The following TCAF1 variants were observed in gnomAD, a reference collection of about 807,000 sequenced individuals.
TCAF1 encodes TRPM8 channel associated factor 1.
TCAF1 carries 4 observed loss-of-function variants against 27.3 expected under a neutral mutation model. The observed-to-expected ratio is 0.15, with a 90% CI of 0.07 to 0.34. The LOEUF (loss-of-function observed/expected upper bound fraction) is 0.34. Ranked by LOEUF, TCAF1 falls within the 10% of genes least tolerant of loss-of-function variation. The probability of loss-of-function intolerance (pLI) is 1.00; values close to 1 mark genes in which losing one functional copy is unlikely to be tolerated. For missense variants in TCAF1, 257 were observed against 425.8 expected (o/e 0.60, Z 3.49); for synonymous variants, 105 against 167.1 (o/e 0.63, Z 2.87).
intron 1 of TCAF1, among the ~76,000 whole-genome samples, chr7:143,878,939 A>T (rs1416564241): frequency 6.6e-6 from 1 of 152,122 alleles, no homozygotes; most frequent in Non-Finnish European, 1.5e-5. Context: ...ACTTTTCTAA[A>T]ACCACTCTAA....
At chr7:143,889,970 A>C (rs1337713302) in intron 1 of TCAF1, among the ~76,000 whole-genome samples, 1 of 152,058 alleles carries the variant, frequency 6.6e-6, no homozygotes, top group East Asian at 1.9e-4. Flanking sequence ...CTAATCTCAA[A>C]AAATCTGTGA....
At chr7:143,881,061 T>A (rs961887713) in intron 1 of TCAF1, among the ~76,000 whole-genome samples, 6 of 152,160 alleles carry the variant, frequency 3.9e-5, no homozygotes, top group Non-Finnish European at 5.9e-5. Context: ...AGAGCAGAGC[T>A]TCCACTCCCA....
intron 1 of TCAF1, among the ~76,000 whole-genome samples, chr7:143,897,131 A>AATATATATATATATAT (rs5888117): frequency 2.5e-4 from 20 of 80,358 alleles, no homozygotes; most frequent in Admixed American, 4.9e-4. Context: ...GTTAATCTTG[A>AATATATATATATATAT]ATATATATAT....
chr7:143,894,390 A>C (rs1406551139), intron 1 of TCAF1, among the ~76,000 whole-genome samples: 3 of 151,874 alleles, frequency 2.0e-5, no homozygotes, highest in Non-Finnish European at 4.4e-5. Context: ...TTTGATAGCA[A>C]AATCTCGTAA....
intron 1 of TCAF1, among the ~76,000 whole-genome samples, chr7:143,880,851 G>A (rs552979087): frequency 3.9e-5 from 6 of 152,122 alleles, no homozygotes; most frequent in African/African-American, 4.8e-5. Flanking sequence ...CTCTATGCCC[G>A]AATCCATGTT....
rs559554900 is a variant in TCAF1, at chr7:143,882,973, G to A, written c.-14-6351C>T. The A allele has an allele frequency of 5.8e-6, 4 of 695,404 alleles. No individual in the cohort carries two copies. The African/African-American group carries it at 5.8e-5, about 10-fold the overall frequency. The allele number at this position is 695,404 out of a possible 1,614,324, so 43.1% of individuals were successfully genotyped here. ...GGGGCGGCGCTTGGCGGGGGACAGC[G>A]CTTCTTTGTGTCGCCGGCCCTGGTG... On this transcript the variant is annotated intron_variant, in intron 1 of 8. Transcript: ENST00000479870.
intron 7 of TCAF1, among the ~76,000 whole-genome samples, chr7:143,857,714 G>GGA (rs1253111647): frequency 6.7e-6 from 1 of 148,910 alleles, no homozygotes; most frequent in Non-Finnish European, 1.5e-5. Flanking sequence ...TGGCAGAATT[G>GGA]GAAAAATCCT....
At chr7:143,875,488 A>C (rs1586765693) in intron 2 of TCAF1, among the ~76,000 whole-genome samples, 1 of 152,288 alleles carries the variant, frequency 6.6e-6, no homozygotes, top group South Asian at 2.1e-4. Context: ...TCCTAGATTT[A>C]GCACATATAA....
chr7:143,859,862 T>TACATATATATATATATATACAC (rs377600497), intron 6 of TCAF1, among the ~76,000 whole-genome samples: 1 of 64,720 alleles, frequency 1.5e-5, no homozygotes, highest in African/African-American at 7.2e-5. Context: ...CTGTTTTATA[T>TACATATATATATATATATACAC]ACACATATAC....
Position 143,876,341 on chromosome 7 carries a change from C to T in TCAF1, c.268G>A (p.Ala90Thr), listed in dbSNP as rs748984158. 3 of 1,614,142 alleles carry T rather than the reference C, an allele frequency of 1.9e-6. No individual in the cohort carries two copies. Among genetic ancestry groups the T allele is most frequent in the African/African-American group, 1.3e-5 (1 of 75,056 alleles). Residue 90 changes from alanine to threonine, a missense_variant, in exon 2 of 9, where the codon GCT becomes ACT. Transcript: ENST00000479870. ...AGGGATGGGTGTACACCAATGGGAG[C>T]CCCAGGGGAAGAGCAAAGCCACCCC... Reference protein sequence around the residue: ...AVGWLCSSPGAPIGVHPSLAP... With the variant: ...AVGWLCSSPGTPIGVHPSLAP...
chr7:143,886,136 A>G (rs890863705), intron 1 of TCAF1, among the ~76,000 whole-genome samples: 1 of 152,158 alleles, frequency 6.6e-6, no homozygotes, highest in Admixed American at 6.5e-5. Context: ...GGAGAGCTCA[A>G]CTGTAAAACC....
At position 143,859,903 on chromosome 7, in the gene TCAF1, A is replaced by AC. The variant is rs1563211092; in HGVS notation, c.2167+304_2167+305insG. 2.5e-3 allele frequency among the ~76,000 whole-genome samples: 166 copies of AC among 66,162 alleles called. 5 individuals carry two copies. Among genetic ancestry groups the AC allele is most frequent in the African/African-American group, 5.7e-3 (88 of 15,494 alleles). 43.4% of individuals were successfully genotyped at this position (66,162 alleles called of 152,430 possible). A position where few individuals can be genotyped will look rare whatever the true frequency, so the allele number is the denominator to read the frequency against. On this transcript the variant is annotated intron_variant, in intron 6 of 8. Coordinates refer to ENST00000479870, the MANE Select transcript of TCAF1 (RefSeq NM_014719.3). ...TACATATATATAATATATATTATAT[A>AC]ATATATATTACGGAATATATATTAT...
At chr7:143,901,028 A>C (rs1309227892) in intron 1 of TCAF1, among the ~76,000 whole-genome samples, 3 of 152,210 alleles carry the variant, frequency 2.0e-5, no homozygotes, top group Non-Finnish European at 4.4e-5. Context: ...CACATCTCAG[A>C]GAATGGAGGA....
At chr7:143,875,407 C>T (rs1812642279) in intron 2 of TCAF1, among the ~76,000 whole-genome samples, 1 of 152,186 alleles carries the variant, frequency 6.6e-6, no homozygotes, top group African/African-American at 2.4e-5. Flanking sequence ...CAAAAACTTT[C>T]AGTGCAGGCT....
intron 1 of TCAF1, among the ~76,000 whole-genome samples, chr7:143,892,756 A>T (rs893480703): frequency 6.6e-6 from 1 of 152,192 alleles, no homozygotes; most frequent in Non-Finnish European, 1.5e-5. Flanking sequence ...AGATGATGTC[A>T]TGAGTGTGAA....
At chr7:143,878,462 G>C (rs528504934) in intron 1 of TCAF1, among the ~76,000 whole-genome samples, 6 of 152,146 alleles carry the variant, frequency 3.9e-5, no homozygotes, top group Non-Finnish European at 8.8e-5. Context: ...CCACAAGCCA[G>C]GATAAAATAG....
chr7:143,876,218 T>G lies in TCAF1; in HGVS notation c.391A>C (p.Asn131His). The G allele has an allele frequency of 6.2e-7, 1 of 1,614,158 alleles. No individual in the cohort carries two copies. The highest frequency in any genetic ancestry group is 8.5e-7 in the Non-Finnish European group (1 of 1,180,032). ...SLGVYCIDAYNETMTEKLVKF... is the reference protein window; with the variant it reads ...SLGVYCIDAYHETMTEKLVKF... The stretch of plus-strand genomic sequence containing the variant: ...ACCAGCTTTTCTGTCATGGTTTCAT[T>G]GTAGGCATCAATACAGTAAACCCCC... Residue 131 changes from asparagine (N) to histidine (H), a missense_variant, in exon 2 of 9, where the codon AAT becomes CAT. This residue lies in a region of TCAF1 where 255 missense variants were observed against 260.1 expected (regional missense o/e 0.98). Coordinates refer to ENST00000479870, the MANE Select transcript of TCAF1 (RefSeq NM_014719.3).
intron 1 of TCAF1, chr7:143,882,967 GA>G (rs1418906224): frequency 2.2e-5 from 17 of 767,598 alleles, no homozygotes; most frequent in Non-Finnish European, 2.7e-5. Context: ...CTTGGCGGGG[GA>G]CAGCGCTTCT....
At chr7:143,881,947 C>T (rs1404755245) in intron 1 of TCAF1, 1 of 152,166 alleles carries the variant, frequency 6.6e-6, no homozygotes, top group Non-Finnish European at 1.5e-5. Flanking sequence ...GCGCTGCCTA[C>T]CCCCCAGCTG....
Sources: allele counts gnomAD v4.1 joint callset (sites outside exome capture counted in the v4.1 genomes callset), GRCh38; gene constraint gnomAD v4.1.1; regional missense constraint gnomAD v4.1.1; transcripts MANE v1.5; gene names NCBI Gene and HGNC (gene_info 2026-07-23, HGNC 2026-07-21).